Variants in FAM13B observed in about 807,000 individuals in gnomAD.
FAM13B encodes the protein family with sequence similarity 13 member B, also known as protein FAM13B.
A neutral mutation model predicts 117.3 loss-of-function variants in FAM13B; 60 were observed. The observed-to-expected ratio is 0.51, with a 90% CI of 0.42 to 0.63. FAM13B has a LOEUF of 0.63. Ranked by LOEUF, FAM13B falls within the 30% of genes least tolerant of loss-of-function variation. FAM13B has a pLI of 0.00. For synonymous variants in FAM13B, 332 were observed against 356.1 expected (o/e 0.93, Z 0.76); for missense variants, 972 against 1,091.9 (o/e 0.89, Z 1.55).
chr5:138,028,548 T>G (rs1789045591), intron 1 of FAM13B, among the ~76,000 whole-genome samples: 1 of 152,172 alleles, frequency 6.6e-6, no homozygotes. Flanking sequence ...AAACTTTTTT[T>G]GTATATCTTC....
intron 7 of FAM13B, among the ~76,000 whole-genome samples, chr5:137,994,244 C>T (rs1388815489): frequency 6.6e-6 from 1 of 151,982 alleles, no homozygotes; most frequent in Non-Finnish European, 1.5e-5. Context: ...CTCCCACCAG[C>T]CATAGTAAAC....
chr5:138,012,825 T>C (rs34317718), intron 4 of FAM13B, among the ~76,000 whole-genome samples: 1 of 152,138 alleles, frequency 6.6e-6, no homozygotes, highest in South Asian at 2.1e-4. Flanking sequence ...AAGGTTACGG[T>C]CATGATATTA....
At chr5:138,051,825 C>T (rs2151135115) in intron 1 of FAM13B, 1 of 152,260 alleles carries the variant, frequency 6.6e-6, no homozygotes, top group South Asian at 2.1e-4. Flanking sequence ...TATCACTATA[C>T]CAAAAAGCTT....
intron 10 of FAM13B, among the ~76,000 whole-genome samples, chr5:137,981,525 C>T (rs1427619926): frequency 6.6e-6 from 1 of 152,122 alleles, no homozygotes; most frequent in Non-Finnish European, 1.5e-5. Flanking sequence ...GTGGCTCACG[C>T]CTGTAATCCC....
chr5:137,945,759 T>G, intron 20 of FAM13B, 143 bp downstream of exon 20: 1 of 585,546 alleles, frequency 1.7e-6, no homozygotes, highest in Non-Finnish European at 2.9e-6. Context: ...AGTTTCCTAT[T>G]TTAAAATCAG....
intron 10 of FAM13B, among the ~76,000 whole-genome samples, chr5:137,975,709 A>G (rs1773704207): frequency 6.6e-6 from 1 of 152,174 alleles, no homozygotes; most frequent in Admixed American, 6.5e-5. Context: ...CTGAAGATTA[A>G]AAGTAGCCTC....
Position 138,032,847 on chromosome 5 carries a change from G to C in FAM13B, c.-268C>G, listed in dbSNP as rs1790524161. On this transcript the variant is annotated 5_prime_UTR_variant, in exon 1 of 24. Coordinates refer to ENST00000689681, the MANE Select transcript of FAM13B (RefSeq NM_001385994.1). ...TCTCCAGGACCCGCGGCGACGGCAA[G>C]AGGGCGAGAACTGAGGCCCCAAGTG... is the stretch of plus-strand genomic sequence containing the variant. The C allele has an allele frequency of 1.2e-5, 12 of 985,772 alleles. No individual in the cohort carries two copies. Among genetic ancestry groups the C allele is most frequent in the Non-Finnish European group, 1.3e-5 (11 of 829,960 alleles). 61.1% of individuals were successfully genotyped at this position (985,772 alleles called of 1,614,324 possible).
At chr5:137,942,293 G>A in intron 22 of FAM13B, 1 of 466,352 alleles carries the variant, frequency 2.1e-6, no homozygotes, top group South Asian at 3.9e-5. Context: ...GTAAAGAAGT[G>A]GATATAGAAC....
chr5:137,961,782 T>C (rs1264383124), intron 11 of FAM13B, among the ~76,000 whole-genome samples: 1 of 152,192 alleles, frequency 6.6e-6, no homozygotes, highest in Admixed American at 6.5e-5. Flanking sequence ...TTTGGCAGCA[T>C]CTTGAAGACT....
intron 10 of FAM13B, among the ~76,000 whole-genome samples, chr5:137,974,898 A>G (rs1397574253): frequency 6.6e-6 from 1 of 152,164 alleles, no homozygotes; most frequent in African/African-American, 2.4e-5. Flanking sequence ...AGAAGGGAGA[A>G]TCAAAAGAAT....
Position 137,959,486 on chromosome 5 carries a change from C to A in FAM13B, c.1441+130G>T. ...TAAAAACACCCACTTGTTCATCTTACATGAAAGGGAGAACAGAAGATCAAG... is the reference window on the plus strand; with the variant it reads ...TAAAAACACCCACTTGTTCATCTTAAATGAAAGGGAGAACAGAAGATCAAG... On this transcript the variant is annotated intron_variant, in intron 13 of 23. Transcript: ENST00000689681. The A allele has an allele frequency of 8.5e-6, 8 of 944,316 alleles. No homozygotes were observed. In the South Asian group the frequency reaches 1.3e-4, roughly 15 times the overall value. 58.5% of individuals were successfully genotyped at this position (944,316 alleles called of 1,614,324 possible).
In FAM13B at chr5:137,988,331, G is replaced by T; in HGVS notation, c.849-16C>A. ...TATATGGGTGCTGCAATCAAAGAAA[G>T]AAATTAGCTATAAAAATGTTCAATA... On this transcript the variant is annotated splice_polypyrimidine_tract_variant and intron_variant, in intron 7 of 23. Transcript: ENST00000689681. The T allele has an allele frequency of 6.4e-7, 1 of 1,553,278 alleles. No homozygotes were observed. The highest frequency in any genetic ancestry group is 8.6e-7 in the Non-Finnish European group (1 of 1,159,210).
At chr5:137,948,898 A>G (rs1169366634) in intron 18 of FAM13B, 57 bp downstream of exon 18, 21 of 1,346,616 alleles carry the variant, frequency 1.6e-5, no homozygotes, top group Non-Finnish European at 2.2e-5. Context: ...TATAGTAATT[A>G]TTTTGTTTCA....
At chr5:137,999,501 A>AGGAGGC (rs1444559662) in intron 7 of FAM13B, among the ~76,000 whole-genome samples, 2 of 151,180 alleles carry the variant, frequency 1.3e-5, no homozygotes, top group African/African-American at 2.4e-5. Context: ...GCTTGAACCC[A>AGGAGGC]GGAGGCGGAG....
chr5:137,977,946 T>C (rs1452135980), intron 10 of FAM13B, among the ~76,000 whole-genome samples: 9 of 152,242 alleles, frequency 5.9e-5, no homozygotes, highest in African/African-American at 1.7e-4. Context: ...AGAAGGCCAC[T>C]GTGAATATTC....
chr5:138,035,916 C>T (rs1791110743), upstream of FAM13B, among the ~76,000 whole-genome samples: 1 of 152,200 alleles, frequency 6.6e-6, no homozygotes, highest in African/African-American at 2.4e-5. Context: ...CATCCCCCTT[C>T]TCTGGTGGTT....
At chr5:138,035,837 G>A (rs1335317048), upstream of FAM13B, among the ~76,000 whole-genome samples, 1 of 152,188 alleles carries the variant, frequency 6.6e-6, no homozygotes, top group African/African-American at 2.4e-5. Context: ...ATGATGGTTT[G>A]ACATTCCCTG....
chr5:138,008,820 A>T lies in FAM13B; in HGVS notation c.691-1673T>A, dbSNP rs540998237. ...CAACCACAGGTCTATCAAGCTCACT[A>T]GTCAGATGGGTCACTAAAAAGTCAT... On this transcript the variant is annotated intron_variant, in intron 6 of 23. Coordinates refer to ENST00000689681, the MANE Select transcript of FAM13B (RefSeq NM_001385994.1). Among the ~76,000 whole-genome samples, 5 of 152,358 alleles carry T rather than the reference A, an allele frequency of 3.3e-5. No homozygotes were observed. The East Asian group carries it at 5.8e-4, about 18-fold the overall frequency.
chr5:138,033,065 GGGA>G lies in FAM13B; in HGVS notation c.-489_-487del, dbSNP rs1790609279. ...GTGCAGAGCCTCCCTAACGGCGAGC[GGGA>G]GGAGAGCGGCTGGCGGGCGGAGGCC... On this transcript the variant is annotated 5_prime_UTR_variant, in exon 1 of 24. Transcript: ENST00000689681. The G allele has an allele frequency of 3.0e-6, 3 of 986,416 alleles. No homozygotes were observed. Among genetic ancestry groups the G allele is most frequent in the Non-Finnish European group, 3.6e-6 (3 of 830,778 alleles). The allele number at this position is 986,416 out of a possible 1,614,324, so 61.1% of individuals were successfully genotyped here.
Sources: allele counts gnomAD v4.1 joint callset (sites outside exome capture counted in the v4.1 genomes callset), GRCh38; gene constraint gnomAD v4.1.1; transcripts MANE v1.5; gene names NCBI Gene and HGNC (gene_info 2026-07-23, HGNC 2026-07-21).